The following UGDH variants were observed in gnomAD, a reference collection of about 807,000 sequenced individuals.
The protein encoded by UGDH is UDP-Glc dehydrogenase.
UGDH carries 38 observed loss-of-function variants against 50.6 expected under a neutral mutation model. That is an observed-to-expected ratio of 0.75 (90% confidence interval 0.58 to 0.98). The LOEUF is 0.98. Ranked by LOEUF, UGDH falls within the 50% of genes least tolerant of loss-of-function variation. The probability of loss-of-function intolerance (pLI) is 0.00; values close to 1 mark genes in which losing one functional copy is unlikely to be tolerated. For synonymous variants in UGDH, 168 were observed against 199.9 expected, an observed-to-expected ratio of 0.84 and a Z score of 1.35; for missense variants, 465 against 606.2, an observed-to-expected ratio of 0.77 and a Z score of 2.45.
At chr4:39,515,029 T>C (rs1328638711) in intron 2 of UGDH, among the ~76,000 whole-genome samples, 1 of 152,042 alleles carries the variant, frequency 6.6e-6, no homozygotes, top group African/African-American at 2.4e-5. Context: ...CAGGCTGGAG[T>C]GCAGTTGCGT....
intron 3 of UGDH, among the ~76,000 whole-genome samples, chr4:39,513,531 CTTTTTTTTTTTTT>C (rs10707997): frequency 1.1e-5 from 1 of 88,008 alleles, no homozygotes; most frequent in Admixed American, 1.5e-4. Context: ...TTTCCTAGTT[CTTTTTTTTTTTTT>C]TTTTTTTTTT....
At chr4:39,505,553 CA>C in intron 8 of UGDH, 64 bp downstream of exon 8, 3 of 1,438,996 alleles carry the variant, frequency 2.1e-6, no homozygotes, top group South Asian at 1.8e-5. Context: ...CTACCCCAAT[CA>C]AAAAATTAAG....
intron 7 of UGDH, 51 bp downstream of exon 7, chr4:39,508,515 T>G: frequency 6.4e-7 from 1 of 1,560,636 alleles, no homozygotes; most frequent in Admixed American, 1.8e-5. Context: ...ATTACAGGTG[T>G]GAACCACTAT....
intron 2 of UGDH, among the ~76,000 whole-genome samples, chr4:39,521,069 CAAAAAAAAAAAA>C (rs1179305904): frequency 6.2e-5 from 5 of 80,070 alleles, no homozygotes; most frequent in Non-Finnish European, 8.5e-5. Flanking sequence ...GACTCCGTCT[CAAAAAAAAAAAA>C]AAAAAAAAAG....
intron 2 of UGDH, among the ~76,000 whole-genome samples, chr4:39,515,130 C>T (rs1746395240): frequency 1.3e-5 from 2 of 152,266 alleles, no homozygotes; most frequent in South Asian, 2.1e-4. Context: ...TAAGTTACCA[C>T]GCCCTGCCTC....
Position 39,510,400 on chromosome 4 carries a change from C to A in UGDH, c.616G>T (p.Glu206Ter), listed in dbSNP as rs1746193084. The A allele has an allele frequency of 6.2e-7, 1 of 1,614,062 alleles. No individual in the cohort carries two copies. Among genetic ancestry groups the A allele is most frequent in the Non-Finnish European group, 8.5e-7 (1 of 1,180,050 alleles). ...CAVYEHWVPR[E>*]KILTTNTWSS... ...CAAGTATTAGTGGTGAGGATCTTTT[C>A]TCTGGGAACCCAGTGCTCATATACA... Residue 206 changes from glutamate (E) to a stop codon, truncating the protein, a stop_gained, in exon 5 of 12, where the codon GAA (glutamate) becomes TAA (stop). Transcript: ENST00000316423. LOFTEE classifies it high-confidence loss of function.
At chr4:39,519,565 G>T (rs1746566958) in intron 2 of UGDH, among the ~76,000 whole-genome samples, 1 of 152,000 alleles carries the variant, frequency 6.6e-6, no homozygotes, top group East Asian at 1.9e-4. Flanking sequence ...TTGAGACGAA[G>T]TCTTGCTCTG....
intron 3 of UGDH, among the ~76,000 whole-genome samples, chr4:39,511,698 G>A (rs1746252138): frequency 6.6e-6 from 1 of 150,936 alleles, no homozygotes; most frequent in African/African-American, 2.4e-5. Flanking sequence ...ATACTATGTG[G>A]ACAAAGACTT....
At chr4:39,520,159 C>A (rs529778015) in intron 2 of UGDH, among the ~76,000 whole-genome samples, 1 of 151,894 alleles carries the variant, frequency 6.6e-6, no homozygotes. Flanking sequence ...GCCAACATGG[C>A]GAAACCTCGT....
intron 11 of UGDH, among the ~76,000 whole-genome samples, chr4:39,500,962 C>A (rs1745782960): frequency 7.0e-6 from 1 of 142,710 alleles, no homozygotes; most frequent in Admixed American, 7.0e-5. Context: ...ATGGTAACAG[C>A]ATAATGCTTT....
Position 39,505,601 on chromosome 4 carries a change from T to C in UGDH, c.1037+17A>G. 1 of 1,573,630 alleles carries C rather than the reference T, an allele frequency of 6.4e-7. No homozygotes were observed. Among genetic ancestry groups the C allele is most frequent in the South Asian group, 1.2e-5 (1 of 82,950 alleles). On this transcript the variant is annotated intron_variant, in intron 8 of 11. Coordinates refer to ENST00000316423, the MANE Select transcript of UGDH (RefSeq NM_003359.4). The stretch of plus-strand genomic sequence containing the variant: ...ACACAATCTCAAAAGGGTTGAAATA[T>C]TTTTAAAAACTGATACCTTGTATCA...
In UGDH at chr4:39,510,641, T is replaced by C. The variant is rs1560263492; in HGVS notation, c.465+20A>G. On this transcript the variant is annotated intron_variant, in intron 4 of 11. Coordinates refer to ENST00000316423, the MANE Select transcript of UGDH (RefSeq NM_003359.4). Reference sequence around the variant, plus strand: ...TATTTACATAAGAATAACCAGATTCTAATGCTTCATTTTTTATACCTGTAA... The same window carrying C: ...TATTTACATAAGAATAACCAGATTCCAATGCTTCATTTTTTATACCTGTAA... 1 of 1,614,234 alleles carries C rather than the reference T, an allele frequency of 6.2e-7. No homozygotes were observed. Among genetic ancestry groups the C allele is most frequent in the Non-Finnish European group, 8.5e-7 (1 of 1,180,042 alleles).
intron 2 of UGDH, among the ~76,000 whole-genome samples, chr4:39,515,751 G>A (rs1026738213): frequency 6.6e-6 from 1 of 152,152 alleles, no homozygotes; most frequent in African/African-American, 2.4e-5. Context: ...CCTGGCTGGA[G>A]TGCAGTGGCA....
At chr4:39,527,253 C>A (rs748344271) in intron 1 of UGDH, 30 bp downstream of exon 1, 35 of 621,658 alleles carry the variant, frequency 5.6e-5, no homozygotes, top group Non-Finnish European at 7.9e-5. Flanking sequence ...CCCGCCCGGG[C>A]GGCGGGGCCA....
In UGDH at chr4:39,510,222, T is replaced by A; in HGVS notation, c.663+131A>T. 4 of 921,464 alleles carry A rather than the reference T, an allele frequency of 4.3e-6. No individual in the cohort carries two copies. The South Asian group carries it at 7.0e-5, about 16-fold the overall frequency. The allele number at this position is 921,464 out of a possible 1,614,324, so 57.1% of individuals were successfully genotyped here. Reference sequence around the variant, plus strand: ...TGTGAAAATTATTTCATAATTTGAATGTGCAAGAATATGATCTTCAAAAGC... The same window carrying A: ...TGTGAAAATTATTTCATAATTTGAAAGTGCAAGAATATGATCTTCAAAAGC... On this transcript the variant is annotated intron_variant, in intron 5 of 11. Transcript: ENST00000316423.
At chr4:39,505,831 G>A in intron 7 of UGDH, 83 bp from the exon 8 acceptor site, 2 of 1,391,272 alleles carry the variant, frequency 1.4e-6, no homozygotes, top group South Asian at 3.3e-5. Context: ...TTTATGGTGA[G>A]TGCTATTGTA....
Position 39,527,363 on chromosome 4 carries a change from G to A in UGDH, c.-88C>T. On this transcript the variant is annotated 5_prime_UTR_variant, in exon 1 of 12. Coordinates refer to ENST00000316423, the MANE Select transcript of UGDH (RefSeq NM_003359.4). ...CCTTCCTACGGGCCGCGCCGCCGCA[G>A]CTTCTCCACCCGCGCCCCGCTCGAT... 1 of 245,556 alleles carries A rather than the reference G, an allele frequency of 4.1e-6. No homozygotes were observed. The highest frequency in any genetic ancestry group is 4.0e-5 in the South Asian group (1 of 25,148). 15.2% of individuals were successfully genotyped at this position (245,556 alleles called of 1,614,324 possible).
intron 1 of UGDH, among the ~76,000 whole-genome samples, chr4:39,526,191 G>A (rs1475061618): frequency 2.0e-5 from 3 of 152,132 alleles, no homozygotes. Context: ...AAAGATGCCT[G>A]ACCAGAGAAA....
At chr4:39,508,167 T>C (rs561351235) in intron 7 of UGDH, among the ~76,000 whole-genome samples, 8 of 152,294 alleles carry the variant, frequency 5.3e-5, no homozygotes, top group Admixed American at 1.3e-4. Flanking sequence ...ATCAAAAACA[T>C]TTCATGGACA....
Sources: allele counts gnomAD v4.1 joint callset (sites outside exome capture counted in the v4.1 genomes callset), GRCh38; gene constraint gnomAD v4.1.1; transcripts MANE v1.5; gene names NCBI Gene and HGNC (gene_info 2026-07-23, HGNC 2026-07-21).